Variants in ERMP1 observed in about 807,000 individuals in gnomAD.
The protein encoded by ERMP1 is endoplasmic reticulum metallopeptidase 1.
Under a neutral mutation model 92.0 loss-of-function variants are expected in ERMP1, and 86 were observed. The observed-to-expected ratio is 0.93, with a 90% confidence interval of 0.79 to 1.12. The LOEUF (loss-of-function observed/expected upper bound fraction) is 1.12. ERMP1 is among the 50% of genes most tolerant of loss of function. ERMP1 has a pLI of 0.00. For missense variants in ERMP1, 1,342 were observed against 1,116.3 expected, an observed-to-expected ratio of 1.20 and a Z score of -2.88; for synonymous variants, 530 against 412.8, an observed-to-expected ratio of 1.28 and a Z score of -3.44.
chr9:5,827,253 A>G (rs540193190), intron 2 of ERMP1, among the ~76,000 whole-genome samples: 2 of 152,320 alleles, frequency 1.3e-5, no homozygotes, highest in African/African-American at 4.8e-5. Flanking sequence ...GTGATAGTCT[A>G]TTTCAGGGGT....
chr9:5,828,641 CTT>C (rs557575908), intron 2 of ERMP1, among the ~76,000 whole-genome samples: 182 of 152,292 alleles, frequency 1.2e-3, no homozygotes, highest in Non-Finnish European at 1.8e-3. Context: ...TAAGCCACCT[CTT>C]TGAGATGTAC....
chr9:5,805,688 G>A lies in ERMP1; in HGVS notation c.1646C>T (p.Ser549Leu), dbSNP rs150106740. ...TACCCAGACAGCACTAATAAACGCC[G>A]AGCAAAGTCCTTGGTAAGTGAGGGT... ...LVTLTYQGLC[S>L]AFISAVWVAF... Residue 549 changes from serine (S) to leucine (L), a missense_variant, in exon 9 of 15, where the codon TCG (serine) becomes TTG (leucine). Ser to Leu is a moderately radical substitution (Grantham distance 145). Transcript: ENST00000339450. 1.5e-5 allele frequency: 25 copies of A among 1,613,430 alleles called. No individual in the cohort carries two copies. The highest frequency in any genetic ancestry group is 4.0e-5 in the African/African-American group (3 of 74,814).
At position 5,816,199 on chromosome 9, in the gene ERMP1, T is replaced by G. The variant is rs188826107; in HGVS notation, c.875-3164A>C. 2.3e-3 allele frequency among the ~76,000 whole-genome samples: 351 copies of G among 152,310 alleles called. 1 individual carries two copies. The highest frequency in any genetic ancestry group is 3.9e-3 in the Non-Finnish European group (265 of 68,008). On this transcript the variant is annotated intron_variant, in intron 4 of 14. Coordinates refer to ENST00000339450, the MANE Select transcript of ERMP1 (RefSeq NM_024896.3). ...TCAACTTTATAATTAAATGCTATATTTGATCCTGGGTAGGAACCCAGATTT... is the reference window on the plus strand; with the variant it reads ...TCAACTTTATAATTAAATGCTATATGTGATCCTGGGTAGGAACCCAGATTT...
In ERMP1 at chr9:5,832,967, C is replaced by T; in HGVS notation, c.61G>A (p.Glu21Lys). 1 of 1,566,074 alleles carries T rather than the reference C, an allele frequency of 6.4e-7. No individual in the cohort carries two copies. Among genetic ancestry groups the T allele is most frequent in the Non-Finnish European group, 8.6e-7 (1 of 1,166,952 alleles). The change falls in exon 1 of 15, where the codon GAG becomes AAG. Residue 21 changes from glutamate to lysine, a missense_variant. Glu to Lys is a moderately conservative substitution (Grantham distance 56). Transcript: ENST00000339450. Reference sequence around the variant, plus strand: ...GGCGGTGGCGCGGCCGCCGCTCCCTCTCGACGCTCTACTCCGACGCGGTGC... The same window carrying T: ...GGCGGTGGCGCGGCCGCCGCTCCCTTTCGACGCTCTACTCCGACGCGGTGC... Reference protein sequence around the residue: ...RRHRVGVERREGAAAAPPPER... With the variant: ...RRHRVGVERRKGAAAAPPPER...
intron 13 of ERMP1, among the ~76,000 whole-genome samples, chr9:5,792,174 A>G (rs962168311): frequency 6.6e-6 from 1 of 152,214 alleles, no homozygotes; most frequent in Admixed American, 6.5e-5. Flanking sequence ...AAATATACAC[A>G]AAGTCCAGAC....
At chr9:5,865,704 G>A (rs955223994) in intron 5 of ERMP1, among the ~76,000 whole-genome samples, 1 of 149,770 alleles carries the variant, frequency 6.7e-6, no homozygotes, top group African/African-American at 2.5e-5. Context: ...TGGGCGTGGT[G>A]GTGCACGCCT....
intron 6 of ERMP1, among the ~76,000 whole-genome samples, chr9:5,843,853 G>C (rs1253588937): frequency 6.6e-6 from 1 of 152,134 alleles, no homozygotes; most frequent in East Asian, 1.9e-4. Context: ...AGCCCTCCTG[G>C]ATTTTAGACC....
chr9:5,817,093 T>C (rs1365567008), intron 4 of ERMP1, among the ~76,000 whole-genome samples: 1 of 151,078 alleles, frequency 6.6e-6, no homozygotes, highest in Non-Finnish European at 1.5e-5. Flanking sequence ...AGAGATGGGG[T>C]TTCACCATGT....
Position 5,832,884 on chromosome 9 carries a change from C to T in ERMP1, c.144G>A (p.Arg48=), listed in dbSNP as rs1830014664. Reference sequence around the variant, plus strand: ...TACCCCCGGGGCTCCTCTTCCGCGTCCTCCCGCCGCCGCTGCACCCATCCA... The same window carrying T: ...TACCCCCGGGGCTCCTCTTCCGCGTTCTCCCGCCGCCGCTGCACCCATCCA... ...PLVDGCSGGG[R]TRKRSPGGSG... Residue 48 remains arginine, a synonymous_variant, in exon 1 of 15, where the codon AGG becomes AGA. Coordinates refer to ENST00000339450, the MANE Select transcript of ERMP1 (RefSeq NM_024896.3). The T allele has an allele frequency of 1.3e-6, 2 of 1,536,326 alleles. No individual in the cohort carries two copies.
At chr9:5,833,176 G>T (rs902312088), upstream of ERMP1, 21 of 713,340 alleles carry the variant, frequency 2.9e-5, no homozygotes, top group Non-Finnish European at 4.2e-5. Flanking sequence ...GTCCCGCCGC[G>T]CCAAGACCCA....
intron 10 of ERMP1, among the ~76,000 whole-genome samples, chr9:5,803,832 TATCCTTAATAATTA>T (rs1347005929): frequency 6.6e-6 from 1 of 152,220 alleles, no homozygotes; most frequent in Non-Finnish European, 1.5e-5. Context: ...ATCCTTATAT[TATCCTTAATAATTA>T]TCCTATAAGT....
intron 10 of ERMP1, among the ~76,000 whole-genome samples, chr9:5,804,325 C>T (rs1487206264): frequency 6.6e-6 from 1 of 152,084 alleles, no homozygotes; most frequent in Non-Finnish European, 1.5e-5. Context: ...TTGGGGCTTA[C>T]TCTGCTCAAG....
intron 8 of ERMP1, among the ~76,000 whole-genome samples, chr9:5,807,661 G>C (rs1397263524): frequency 6.6e-6 from 1 of 152,016 alleles, no homozygotes; most frequent in Non-Finnish European, 1.5e-5. Context: ...CACAAGAACA[G>C]CTAGAACCCA....
intron 10 of ERMP1, among the ~76,000 whole-genome samples, chr9:5,802,020 TATGTCCACAG>T (rs1217206192): frequency 2.6e-5 from 4 of 152,138 alleles, no homozygotes; most frequent in Non-Finnish European, 4.4e-5. Context: ...ACTCACAGAG[TATGTCCACAG>T]ATCCCTTACA....
At chr9:5,817,599 T>C (rs1329157103) in intron 4 of ERMP1, among the ~76,000 whole-genome samples, 4 of 152,226 alleles carry the variant, frequency 2.6e-5, no homozygotes, top group Non-Finnish European at 1.5e-5. Flanking sequence ...ATTGACATTC[T>C]TTCTCCTGCC....
At chr9:5,812,028 C>G (rs1829116099) in intron 6 of ERMP1, 97 bp downstream of exon 6, 2 of 737,416 alleles carry the variant, frequency 2.7e-6, no homozygotes, top group Admixed American at 2.5e-5. Context: ...TGCATACTGC[C>G]TCTCTAATGC....
In ERMP1 at chr9:5,805,658, A is replaced by T. The variant is rs773126391; in HGVS notation, c.1676T>A (p.Phe559Tyr). ...CACACAGAGCTTTGTGAGCAATGGGAATGCTACCCAGACAGCACTAATAAA... is the reference window on the plus strand; with the variant it reads ...CACACAGAGCTTTGTGAGCAATGGGTATGCTACCCAGACAGCACTAATAAA... ...SAFISAVWVAFPLLTKLCVHK... is the reference protein window; with the variant it reads ...SAFISAVWVAYPLLTKLCVHK... Residue 559 changes from phenylalanine (F) to tyrosine (Y), a missense_variant, in exon 9 of 15, where the codon TTC becomes TAC. By Grantham distance (22) the Phe-to-Tyr change is conservative (BLOSUM62 3). Coordinates refer to ENST00000339450, the MANE Select transcript of ERMP1 (RefSeq NM_024896.3). 2 of 1,609,970 alleles carry T rather than the reference A, an allele frequency of 1.2e-6. No individual in the cohort carries two copies. The highest frequency in any genetic ancestry group is 1.7e-6 in the Non-Finnish European group (2 of 1,178,662).
chr9:5,853,968 T>C (rs1456801642), intron 6 of ERMP1, among the ~76,000 whole-genome samples: 1 of 151,722 alleles, frequency 6.6e-6, no homozygotes, highest in African/African-American at 2.4e-5. Flanking sequence ...ATTTTATGGA[T>C]GTTAATATTT....
chr9:5,813,223 A>G (rs1341637083), intron 4 of ERMP1, among the ~76,000 whole-genome samples, 188 bp from the exon 5 acceptor site: 2 of 152,206 alleles, frequency 1.3e-5, no homozygotes, highest in Non-Finnish European at 2.9e-5. Flanking sequence ...TTTAGAATAA[A>G]AACCTTTTGT....
Sources: gnomAD v4.1 joint callset for allele counts (sites outside exome capture counted in the v4.1 genomes callset) on GRCh38, gnomAD v4.1.1 for gene constraint, MANE v1.5 for transcripts, NCBI Gene and HGNC (gene_info 2026-07-23, HGNC 2026-07-21) for gene names.